Variants in SLC7A9 observed in about 807,000 individuals in gnomAD.
SLC7A9 encodes B(0,+)-type amino acid transporter 1.
In SLC7A9, 38 loss-of-function variants were observed where a neutral mutation model predicts 54.1. That is an observed-to-expected ratio of 0.70 (90% CI 0.54 to 0.92). The LOEUF is 0.92. Ranked by LOEUF, SLC7A9 falls within the 40% of genes least tolerant of loss-of-function variation. SLC7A9 has a pLI of 0.00. For missense variants in SLC7A9, 537 were observed against 636.1 expected (o/e 0.84, Z 1.68); for synonymous variants, 264 against 258.9 (o/e 1.02, Z -0.19).
chr19:32,868,313 G>T, intron 2 of SLC7A9, 135 bp downstream of exon 2: 3 of 665,088 alleles, frequency 4.5e-6, no homozygotes, highest in Admixed American at 2.0e-5. Context: ...TCCCTTTAAA[G>T]ATGTACTTCA....
chr19:32,858,622 C>T lies in SLC7A9; in HGVS notation c.874-79G>A, dbSNP rs1006882889. 7.8e-6 allele frequency: 9 copies of T among 1,160,632 alleles called. No individual in the cohort carries two copies. In the African/African-American group the frequency reaches 1.2e-4, roughly 16 times the overall value. The allele number at this position is 1,160,632 out of a possible 1,614,324, so 71.9% of individuals were successfully genotyped here. ...GCCGGCCCCCAAAAGCTATTCTGGC[C>T]TCCCAGGGGACCCAGGGACCCACCT... On this transcript the variant is annotated intron_variant, in intron 8 of 12. Transcript: ENST00000023064.
At chr19:32,837,486 C>A (rs1470162891) in intron 11 of SLC7A9, among the ~76,000 whole-genome samples, 6 of 78,742 alleles carry the variant, frequency 7.6e-5, no homozygotes, top group Non-Finnish European at 1.3e-4. Context: ...AGAGGAGATT[C>A]CATCTCAAAA....
chr19:32,836,021 T>TCTCAGC (rs1175246417), intron 11 of SLC7A9, among the ~76,000 whole-genome samples: 2 of 152,070 alleles, frequency 1.3e-5, no homozygotes, highest in Non-Finnish European at 2.9e-5. Flanking sequence ...TTCAAGTGAT[T>TCTCAGC]CTCAGCCTCA....
intron 7 of SLC7A9, chr19:32,860,377 C>CA (rs1437901815): frequency 4.5e-6 from 6 of 1,341,762 alleles, no homozygotes; most frequent in Non-Finnish European, 4.9e-6. Context: ...GCCAACATGG[C>CA]AAAATCTCAT....
intron 11 of SLC7A9, among the ~76,000 whole-genome samples, chr19:32,835,068 G>GCT (rs768561581): frequency 1.7e-3 from 257 of 152,322 alleles, no homozygotes; most frequent in Non-Finnish European, 3.1e-3. Flanking sequence ...GGGATTACAG[G>GCT]CATGAGCCAA....
chr19:32,835,889 C>CTGTGTGTGTGTGTGTGTGTGTA, intron 11 of SLC7A9, among the ~76,000 whole-genome samples: 1 of 140,776 alleles, frequency 7.1e-6, no homozygotes, highest in Non-Finnish European at 1.5e-5. Flanking sequence ...AATTTATGTA[C>CTGTGTGTGTGTGTGTGTGTGTA]TGTGTGTGTG....
In SLC7A9 at chr19:32,858,273, G is replaced by A. The variant is rs17238865; in HGVS notation, c.977+167C>T. ...ATCCATGCCTTCCTGGCCAGTTTGCGGTGTGGGTTCAAGCTACATCCCTTC... is the reference window on the plus strand; with the variant it reads ...ATCCATGCCTTCCTGGCCAGTTTGCAGTGTGGGTTCAAGCTACATCCCTTC... On this transcript the variant is annotated intron_variant, in intron 9 of 12. Transcript: ENST00000023064. Among the ~76,000 whole-genome samples the A allele has an allele frequency of 0.12, 17,686 of 152,026 alleles. 1,058 individuals are homozygous for A. The highest frequency in any genetic ancestry group is 0.18 in the Middle Eastern group (52 of 294).
chr19:32,868,345 T>A, intron 2 of SLC7A9, 103 bp downstream of exon 2: 1 of 786,526 alleles, frequency 1.3e-6, no homozygotes. Flanking sequence ...GTACATCTTC[T>A]GCCGTGTCAC....
intron 9 of SLC7A9, among the ~76,000 whole-genome samples, chr19:32,848,099 CCATCAAGGCTAGG>C (rs1208436822): frequency 4.4e-4 from 67 of 150,714 alleles, no homozygotes; most frequent in Non-Finnish European, 4.7e-4. Flanking sequence ...AATGTAAAGA[CCATCAAGGCTAGG>C]AAGAAACTGC....
At chr19:32,846,742 C>T (rs1320248594) in intron 9 of SLC7A9, among the ~76,000 whole-genome samples, 1 of 152,178 alleles carries the variant, frequency 6.6e-6, no homozygotes, top group Non-Finnish European at 1.5e-5. Flanking sequence ...CCTGACCCCC[C>T]AGCAGCCTAA....
intron 3 of SLC7A9, 50 bp downstream of exon 3, chr19:32,864,579 C>A (rs372403462): frequency 7.5e-6 from 12 of 1,606,330 alleles, no homozygotes; most frequent in African/African-American, 1.3e-5. Context: ...AGCTGCCTGG[C>A]GTGCCCCTGC....
At position 32,859,864 on chromosome 19, in the gene SLC7A9, G is replaced by A. The variant is rs778890235; in HGVS notation, c.850C>T (p.Leu284=). The part of the protein sequence containing the change: ...YFTVMTATEL[L]QSQAVAVTFG... ...ACCACAGCCACCGCCTGGGACTGCA[G>A]GAGTTCGGTGGCAGTCATCACGGTG... Residue 284 remains leucine (L), a synonymous_variant, in exon 8 of 13, where the codon CTG becomes TTG. Transcript: ENST00000023064. The A allele has an allele frequency of 6.2e-7, 1 of 1,614,112 alleles. No homozygotes were observed. Among genetic ancestry groups the A allele is most frequent in the Non-Finnish European group, 8.5e-7 (1 of 1,179,952 alleles).
At chr19:32,849,139 G>A (rs1244503223) in intron 9 of SLC7A9, among the ~76,000 whole-genome samples, 1 of 151,976 alleles carries the variant, frequency 6.6e-6, no homozygotes, top group Non-Finnish European at 1.5e-5. Flanking sequence ...AAAAGCAAGA[G>A]CAAACACATT....
intron 9 of SLC7A9, among the ~76,000 whole-genome samples, chr19:32,852,168 GTAA>G (rs1375796773): frequency 1.3e-5 from 2 of 151,806 alleles, no homozygotes; most frequent in African/African-American, 2.4e-5. Context: ...AACTTAAAGT[GTAA>G]TAATAATAAA....
At chr19:32,841,253 T>G (rs976729284) in intron 11 of SLC7A9, among the ~76,000 whole-genome samples, 5 of 152,036 alleles carry the variant, frequency 3.3e-5, no homozygotes, top group Admixed American at 6.6e-5. Context: ...AAATAGCAGG[T>G]TTTTTTTAAA....
In SLC7A9 at chr19:32,842,606, T is replaced by TGTTTTGTTTC. The variant is rs1376636168; in HGVS notation, c.1075-290_1075-289insGAAACAAAAC. 2.4e-3 allele frequency among the ~76,000 whole-genome samples: 366 copies of TGTTTTGTTTC among 151,788 alleles called. 2 individuals carry two copies. The highest frequency in any genetic ancestry group is 8.5e-3 in the African/African-American group (351 of 41,338). On this transcript the variant is annotated intron_variant, in intron 10 of 12. Transcript: ENST00000023064. ...AAAGTAACTGTGGGTTTTTTTGTTT[T>TGTTTTGTTTC]GTTTTGTTTTGTTTTGTTTTGTTTG...
intron 11 of SLC7A9, among the ~76,000 whole-genome samples, chr19:32,837,129 G>A (rs1003172528): frequency 2.0e-5 from 3 of 151,944 alleles, no homozygotes; most frequent in East Asian, 1.9e-4. Flanking sequence ...TCAGTCTTGC[G>A]TCCTCGAAGA....
rs1317359581 is a variant in SLC7A9, at chr19:32,864,763, C to T, written c.101G>A (p.Ser34Asn). ...TSLQKELGLI[S>N]GISIIVGTII... Reference sequence around the variant, plus strand: ...GGTGCCCACGATGATGGAGATGCCACTGATGAGGCCCAGCTGGGTGTGGAG... The same window carrying T: ...GGTGCCCACGATGATGGAGATGCCATTGATGAGGCCCAGCTGGGTGTGGAG... The change falls in exon 3 of 13, where the codon AGT (serine) becomes AAT (asparagine). Residue 34 changes from serine to asparagine, a missense_variant. By Grantham distance (46) the Ser-to-Asn change is conservative. Transcript: ENST00000023064. The T allele has an allele frequency of 3.7e-6, 6 of 1,614,064 alleles. No homozygotes were observed. The African/African-American group carries it at 6.7e-5, about 18-fold the overall frequency.
intron 9 of SLC7A9, among the ~76,000 whole-genome samples, chr19:32,853,930 AAAAAAC>A (rs1388395982): frequency 6.6e-6 from 1 of 151,812 alleles, no homozygotes; most frequent in Non-Finnish European, 1.5e-5. Flanking sequence ...AAAAAAAAAA[AAAAAAC>A]ACCAACAAAC....
Sources: allele counts gnomAD v4.1 joint callset (sites outside exome capture counted in the v4.1 genomes callset), GRCh38; gene constraint gnomAD v4.1.1; transcripts MANE v1.5; gene names NCBI Gene and HGNC (gene_info 2026-07-23, HGNC 2026-07-21).